The following SPON1 variants were observed in gnomAD, a reference collection of about 807,000 sequenced individuals.
SPON1 encodes spondin 1.
SPON1 carries 52 observed loss-of-function variants against 111.7 expected under a neutral mutation model. The observed-to-expected ratio is 0.47, with a 90% CI of 0.37 to 0.59. The LOEUF (loss-of-function observed/expected upper bound fraction) is 0.59, where lower values mean the gene tolerates loss of function less well. Among genes scored for constraint, SPON1 ranks in the 20% least tolerant of loss-of-function variants. The probability of loss-of-function intolerance (pLI) is 0.00; values close to 1 mark genes in which losing one functional copy is unlikely to be tolerated. For missense variants in SPON1, 957 were observed against 1,068.5 expected (o/e 0.90, Z 1.46); for synonymous variants, 410 against 395.8 (o/e 1.04, Z -0.43).
chr11:14,157,185 T>C (rs1847858087), intron 6 of SPON1, among the ~76,000 whole-genome samples: 1 of 152,232 alleles, frequency 6.6e-6, no homozygotes, highest in African/African-American at 2.4e-5. Flanking sequence ...TCCATTTTCC[T>C]TCTGGGATGA....
intron 5 of SPON1, among the ~76,000 whole-genome samples, chr11:14,104,316 C>T (rs1849168593): frequency 6.6e-6 from 1 of 151,772 alleles, no homozygotes; most frequent in African/African-American, 2.4e-5. Context: ...TTTTATCTCT[C>T]AATTTTTATA....
chr11:14,169,767 G>T (rs1479686144), intron 6 of SPON1, among the ~76,000 whole-genome samples: 1 of 152,124 alleles, frequency 6.6e-6, no homozygotes, highest in Non-Finnish European at 1.5e-5. Flanking sequence ...TTTCCCCATT[G>T]CTTGTTTTTG....
At chr11:14,103,772 A>G (rs892469409) in intron 5 of SPON1, among the ~76,000 whole-genome samples, 17 of 152,102 alleles carry the variant, frequency 1.1e-4, no homozygotes, top group African/African-American at 2.9e-4. Context: ...TTGTTGTTCA[A>G]TCTATTAAAT....
At chr11:14,095,078 A>G (rs1432100306) in intron 5 of SPON1, among the ~76,000 whole-genome samples, 1 of 152,194 alleles carries the variant, frequency 6.6e-6, no homozygotes, top group Non-Finnish European at 1.5e-5. Flanking sequence ...ATTCCTCAAT[A>G]TTATTATCTC....
chr11:14,142,625 T>G (rs191672978), intron 6 of SPON1, among the ~76,000 whole-genome samples: 27 of 152,318 alleles, frequency 1.8e-4, no homozygotes, highest in Admixed American at 5.9e-4. Flanking sequence ...TGGAGCTAGT[T>G]CGATGCCACC....
rs1030330438 is a variant in SPON1 at position 14,268,054 on chromosome 11, G to A, written c.*2367G>A. Among the ~76,000 whole-genome samples, 1 of 152,164 alleles carries A rather than the reference G, an allele frequency of 6.6e-6. No homozygotes were observed. Among genetic ancestry groups the A allele is most frequent in the African/African-American group, 2.4e-5 (1 of 41,438 alleles). Reference sequence around the variant, plus strand: ...AGTGCATTTTATTAGAAGGGAATCTGTTGTAGCAAATGGGAATAAACCTGG... The same window carrying A: ...AGTGCATTTTATTAGAAGGGAATCTATTGTAGCAAATGGGAATAAACCTGG... On this transcript the variant is annotated 3_prime_UTR_variant, in exon 16 of 16. Transcript: ENST00000576479.
intron 6 of SPON1, among the ~76,000 whole-genome samples, chr11:14,172,427 G>A (rs1395733405): frequency 6.6e-6 from 1 of 151,498 alleles, no homozygotes; most frequent in Non-Finnish European, 1.5e-5. Context: ...GCACACTGAT[G>A]GGTCTTGACT....
intron 5 of SPON1, among the ~76,000 whole-genome samples, chr11:14,119,746 T>C (rs1480037915): frequency 6.6e-6 from 1 of 152,130 alleles, no homozygotes; most frequent in Non-Finnish European, 1.5e-5. Context: ...GAGTCCCCCG[T>C]CGTCAGTAGA....
intron 6 of SPON1, among the ~76,000 whole-genome samples, chr11:14,191,328 T>G (rs999360411): frequency 6.6e-6 from 1 of 152,180 alleles, no homozygotes; most frequent in Non-Finnish European, 1.5e-5. Flanking sequence ...GATGATGCCT[T>G]CACAGTTTAA....
intron 6 of SPON1, among the ~76,000 whole-genome samples, chr11:14,226,660 A>G (rs1554938162): frequency 6.6e-6 from 1 of 152,132 alleles, no homozygotes; most frequent in African/African-American, 2.4e-5. Context: ...TTTTCATTAG[A>G]CTCACTAATC....
At chr11:14,171,579 AT>A (rs1487244651) in intron 6 of SPON1, among the ~76,000 whole-genome samples, 1 of 151,924 alleles carries the variant, frequency 6.6e-6, no homozygotes, top group Non-Finnish European at 1.5e-5. Context: ...TTTAATTGTG[AT>A]GTTAGAGTGT....
At chr11:14,162,395 A>G (rs577423295) in intron 6 of SPON1, among the ~76,000 whole-genome samples, 15 of 152,268 alleles carry the variant, frequency 9.9e-5, no homozygotes, top group African/African-American at 3.4e-4. Flanking sequence ...AAATTAATAC[A>G]TGGATATGTC....
intron 2 of SPON1, among the ~76,000 whole-genome samples, chr11:13,992,499 T>C (rs1311333554): frequency 6.6e-6 from 1 of 152,078 alleles, no homozygotes; most frequent in Non-Finnish European, 1.5e-5. Context: ...CTGGGCTCCG[T>C]GGGGGTGGGA....
chr11:14,012,523 AGACTTT>A (rs1362993782), intron 2 of SPON1, among the ~76,000 whole-genome samples: 4 of 152,210 alleles, frequency 2.6e-5, no homozygotes, highest in Non-Finnish European at 4.4e-5. Flanking sequence ...GTAGGGAATG[AGACTTT>A]TCTCCATAAA....
At chr11:14,216,010 A>G (rs1848621990) in intron 6 of SPON1, among the ~76,000 whole-genome samples, 1 of 152,240 alleles carries the variant, frequency 6.6e-6, no homozygotes, top group Non-Finnish European at 1.5e-5. Flanking sequence ...ACCTGTCTGT[A>G]AGTTATTGCC....
intron 1 of SPON1, among the ~76,000 whole-genome samples, chr11:13,966,832 C>G: frequency 6.6e-6 from 1 of 152,146 alleles, no homozygotes; most frequent in East Asian, 1.9e-4. Flanking sequence ...GCCAATTTCT[C>G]CATCTGTAAA....
intron 3 of SPON1, among the ~76,000 whole-genome samples, chr11:14,063,310 A>T (rs1554920049): frequency 6.6e-6 from 1 of 152,062 alleles, no homozygotes; most frequent in African/African-American, 2.4e-5. Context: ...AAAATTCATC[A>T]TTTACATTCT....
chr11:14,160,609 A>T lies in SPON1; in HGVS notation c.825+25041A>T, dbSNP rs1387893655. On this transcript the variant is annotated intron_variant, in intron 6 of 15. Transcript: ENST00000576479. ...TACATATATATATTTATATATATTT[A>T]TATATATTTATATATATATTTATAT... is the stretch of plus-strand genomic sequence containing the variant. Among the ~76,000 whole-genome samples the T allele has an allele frequency of 5.7e-3, 117 of 20,640 alleles. 23 individuals are homozygous for T. The highest frequency in any genetic ancestry group is 8.4e-3 in the Non-Finnish European group (98 of 11,706). 13.5% of individuals were successfully genotyped at this position (20,640 alleles called of 152,430 possible).
intron 3 of SPON1, among the ~76,000 whole-genome samples, chr11:14,057,454 ATATAT>A (rs1848753209): frequency 6.6e-6 from 1 of 152,196 alleles, no homozygotes; most frequent in African/African-American, 2.4e-5. Flanking sequence ...TCTAAACTAG[ATATAT>A]TATCTGCAAC....
Sources: gnomAD v4.1 joint callset for allele counts (sites outside exome capture counted in the v4.1 genomes callset) on GRCh38, gnomAD v4.1.1 for gene constraint, MANE v1.5 for transcripts, NCBI Gene and HGNC (gene_info 2026-07-23, HGNC 2026-07-21) for gene names.